The following POLG variants were observed in gnomAD, a reference collection of about 807,000 sequenced individuals.
POLG encodes DNA polymerase subunit gamma-1.
A neutral mutation model predicts 155.4 loss-of-function variants in POLG; 110 were observed. The ratio of observed to expected loss-of-function variants is 0.71; its 90% confidence interval spans 0.61 to 0.83. The LOEUF is 0.83. POLG is among the 40% of genes least tolerant of loss of function. The pLI is 0.00. For synonymous variants in POLG, 701 were observed against 631.5 expected (o/e 1.11, Z -1.65); for missense variants, 1,685 against 1,627.5 (o/e 1.04, Z -0.61).
Position 89,321,959 on chromosome 15 carries a change from T to A in POLG, c.2480+3A>T. ...ATCCCTACAACCACTCAGCAGACCA[T>A]ACCTGATCACAGCACGGGGCAGAGC... On this transcript the variant is annotated splice_donor_region_variant and intron_variant, in intron 15 of 22. Transcript: ENST00000268124. The A allele has an allele frequency of 6.2e-7, 1 of 1,614,020 alleles. No homozygotes were observed. The highest frequency in any genetic ancestry group is 2.2e-5 in the East Asian group (1 of 44,870).
At chr15:89,325,944 C>G (rs1377859355) in intron 9 of POLG, among the ~76,000 whole-genome samples, 4 of 152,188 alleles carry the variant, frequency 2.6e-5, no homozygotes. Flanking sequence ...AAAGCATACC[C>G]TGACCCAGGG....
In POLG at chr15:89,330,339, C is replaced by A. The variant is rs1412358124; in HGVS notation, c.660-63G>T. On this transcript the variant is annotated intron_variant, in intron 2 of 22. Transcript: ENST00000268124. ...ACATTAAACTTCCACTCCACAACAA[C>A]CACTGCACACCTACCGCCACATGCC... 2.4e-6 allele frequency: 3 copies of A among 1,225,480 alleles called. No individual in the cohort carries two copies. In the South Asian group the frequency reaches 3.7e-5, roughly 15 times the overall value. 75.9% of individuals were successfully genotyped at this position (1,225,480 alleles called of 1,614,324 possible). A position where few individuals can be genotyped will look rare whatever the true frequency, so the allele number is the denominator to read the frequency against.
At position 89,327,199 on chromosome 15, in the gene POLG, G is replaced by A; in HGVS notation, c.1401C>T (p.Ala467=). The part of the protein sequence containing the change: ...REMKKSLMDL[A]NDACQLLSGE... Reference sequence around the variant, plus strand: ...CTGAGAGCAGCTGGCAGGCATCATTGGCCAGATCCATCAACGACTTCTTCA... The same window carrying A: ...CTGAGAGCAGCTGGCAGGCATCATTAGCCAGATCCATCAACGACTTCTTCA... The change falls in exon 7 of 23, where the codon GCC becomes GCT. Residue 467 remains alanine (A), a synonymous_variant. Transcript: ENST00000268124. 6.2e-7 allele frequency: 1 copy of A among 1,614,202 alleles called. No homozygotes were observed. The highest frequency in any genetic ancestry group is 2.2e-5 in the East Asian group (1 of 44,876).
At chr15:89,323,977 G>T (rs969496729) in intron 11 of POLG, 76 bp from the exon 12 acceptor site, 3 of 1,537,010 alleles carry the variant, frequency 2.0e-6, no homozygotes, top group Non-Finnish European at 2.7e-6. Context: ...TCCCTGCATG[G>T]TACTCAGACA....
At chr15:89,324,315 C>G (rs1445281635) in intron 10 of POLG, 88 bp from the exon 11 acceptor site, 1 of 1,458,788 alleles carries the variant, frequency 6.9e-7, no homozygotes, top group African/African-American at 1.4e-5. Flanking sequence ...CCACAATTCC[C>G]TTTGTTTAGT....
rs1322235795 is a variant in POLG at position 89,326,664 on chromosome 15, C to T, written c.1660G>A (p.Gly554Arg). The change falls in exon 9 of 23, where the codon GGG (glycine) becomes AGG (arginine). Residue 554 changes from glycine (G) to arginine (R), a missense_variant. Transcript: ENST00000268124. ...CGCTTGGGCAGGAGCTCTGTGGTCC[C>T]CTTCAGCTTCTGCAAGCAGGCGCGG... Reference protein sequence around the residue: ...MARACLQKLKGTTELLPKRPQ... With the variant: ...MARACLQKLKRTTELLPKRPQ... 6.2e-7 allele frequency: 1 copy of T among 1,614,080 alleles called. No individual in the cohort carries two copies. Among genetic ancestry groups the T allele is most frequent in the Admixed American group, 1.7e-5 (1 of 60,018 alleles).
At chr15:89,325,815 G>A in intron 9 of POLG, 129 bp from the exon 10 acceptor site, 1 of 778,440 alleles carries the variant, frequency 1.3e-6, no homozygotes, top group African/African-American at 1.7e-5. Flanking sequence ...CCAGCCTACA[G>A]CCGCCATCCC....
In POLG at chr15:89,330,270, G is replaced by A. The variant is rs1169956926; in HGVS notation, c.666C>T (p.Ser222=). 6.2e-7 allele frequency: 1 copy of A among 1,610,628 alleles called. No homozygotes were observed. The highest frequency in any genetic ancestry group is 1.7e-5 in the Admixed American group (1 of 60,004). Residue 222 remains serine (S), a synonymous_variant, in exon 3 of 23, where the codon TCC becomes TCT. Coordinates refer to ENST00000268124, the MANE Select transcript of POLG (RefSeq NM_002693.3). ...AVAISPSAWY[S]WCSQRLVEER... ...CTTCCACCAGCCGCTGGCTGCACCA[G>A]GAATACCTGAGGGAGGTGAGAGGCA...
chr15:89,321,963 T>A lies in POLG; in HGVS notation c.2479A>T (p.Arg827Trp). Residue 827 changes from arginine (R) to tryptophan (W), a missense_variant and splice_region_variant, in exon 15 of 23, where the codon AGG becomes TGG. Coordinates refer to ENST00000268124, the MANE Select transcript of POLG (RefSeq NM_002693.3). ...PRSALPRAVI[R>W]HPDYDEEGLY... ...CTACAACCACTCAGCAGACCATACC[T>A]GATCACAGCACGGGGCAGAGCTGAC... 6.2e-7 allele frequency: 1 copy of A among 1,614,062 alleles called. No individual in the cohort carries two copies. Among genetic ancestry groups the A allele is most frequent in the Non-Finnish European group, 8.5e-7 (1 of 1,179,918 alleles).
Position 89,322,114 on chromosome 15 carries a change from A to G in POLG, c.2427-99T>C, listed in dbSNP as rs1189946778. The G allele has an allele frequency of 5.4e-6, 6 of 1,118,456 alleles. No homozygotes were observed. The East Asian group carries it at 1.2e-4, about 22-fold the overall frequency. 69.3% of individuals were successfully genotyped at this position (1,118,456 alleles called of 1,614,324 possible). On this transcript the variant is annotated intron_variant, in intron 14 of 22. Coordinates refer to ENST00000268124, the MANE Select transcript of POLG (RefSeq NM_002693.3). ...TCACCTGCCCACCTCCAGGACTGCT[A>G]TACTCCATTACCCAGCCTCACTAAC... is the stretch of plus-strand genomic sequence containing the variant.
chr15:89,318,214 A>C (rs1201762498), intron 21 of POLG, among the ~76,000 whole-genome samples: 1 of 152,246 alleles, frequency 6.6e-6, no homozygotes. Context: ...TTTCTATGAA[A>C]TGAGAAAAGG....
chr15:89,323,188 A>G (rs938818833), intron 13 of POLG, among the ~76,000 whole-genome samples: 2 of 152,206 alleles, frequency 1.3e-5, no homozygotes, highest in African/African-American at 2.4e-5. Flanking sequence ...GACGTGCCCC[A>G]TGTCATTTAA....
intron 6 of POLG, among the ~76,000 whole-genome samples, chr15:89,327,574 C>T (rs765701286): frequency 6.6e-6 from 1 of 152,218 alleles, no homozygotes; most frequent in Non-Finnish European, 1.5e-5. Flanking sequence ...ATCATCCCAT[C>T]CTCAGGGGTA....
rs201192905 is a variant in POLG, at chr15:89,319,028, T to C, written c.3176A>G (p.Asn1059Ser). 9.7e-5 allele frequency: 157 copies of C among 1,614,034 alleles called. No homozygotes were observed. The highest frequency in any genetic ancestry group is 2.2e-4 in the South Asian group (20 of 91,084). Residue 1059 changes from asparagine to serine, a missense_variant, in exon 20 of 23, where the codon AAT (asparagine) becomes AGT (serine). By Grantham distance (46) the Asn-to-Ser change is conservative. Coordinates refer to ENST00000268124, the MANE Select transcript of POLG (RefSeq NM_002693.3). ...WKGGTESEMF[N>S]KLESIATSDI... ...AGACGTAGCAATGCTCTCAAGCTTA[T>C]TGAACATTTCTGACTCTGTGCCCCC...
chr15:89,325,207 A>AGT (rs1555453348), intron 10 of POLG, among the ~76,000 whole-genome samples: 1 of 67,346 alleles, frequency 1.5e-5, no homozygotes, highest in Non-Finnish European at 2.6e-5. Flanking sequence ...AGTGAGTGAG[A>AGT]GAGTGAGTGA....
rs773035422 is a variant in POLG, at chr15:89,326,849, C to G, written c.1585+63G>C. 8.1e-6 allele frequency: 13 copies of G among 1,608,996 alleles called. No homozygotes were observed. The South Asian group carries it at 1.4e-4, about 18-fold the overall frequency. ...GAGCAATCCTTTCGAAGGACCCCCT[C>G]AATCACAGGACCTTCCCAGAGACAA... On this transcript the variant is annotated intron_variant, in intron 8 of 22. Coordinates refer to ENST00000268124, the MANE Select transcript of POLG (RefSeq NM_002693.3).
intron 1 of POLG, chr15:89,334,293 C>T (rs954393678): frequency 6.1e-6 from 1 of 164,498 alleles, no homozygotes; most frequent in African/African-American, 2.4e-5. Context: ...GGGCTGCTGT[C>T]TGGGGGACAC....
At position 89,319,225 on chromosome 15, in the gene POLG, T is replaced by G; in HGVS notation, c.3104+3A>C. 4.3e-6 allele frequency: 7 copies of G among 1,614,176 alleles called. No individual in the cohort carries two copies. The highest frequency in any genetic ancestry group is 5.9e-6 in the Non-Finnish European group (7 of 1,180,024). ...CCATCCTTAACACAAAGAAGGTTCT[T>G]ACTTCCTTGCAGTTTCTCTCTGGAC... is the stretch of plus-strand genomic sequence containing the variant. On this transcript the variant is annotated splice_donor_region_variant and intron_variant, in intron 19 of 22. Coordinates refer to ENST00000268124, the MANE Select transcript of POLG (RefSeq NM_002693.3).
chr15:89,332,499 A>G (rs2055606102), intron 2 of POLG: 1 of 151,942 alleles, frequency 6.6e-6, no homozygotes, highest in South Asian at 2.1e-4. Context: ...GTTTGGGACC[A>G]AAATGCCTGC....
Sources: gnomAD v4.1 joint callset for allele counts (sites outside exome capture counted in the v4.1 genomes callset) on GRCh38, gnomAD v4.1.1 for gene constraint, MANE v1.5 for transcripts, NCBI Gene and HGNC (gene_info 2026-07-23, HGNC 2026-07-21) for gene names.